PPP2R2C: variants seen among roughly 807,000 people sequenced by gnomAD.
The protein encoded by PPP2R2C is protein phosphatase 2 regulatory subunit Bgamma.
PPP2R2C carries 10 observed loss-of-function variants against 45.3 expected under a neutral mutation model. The ratio of observed to expected loss-of-function variants is 0.22; its 90% CI spans 0.14 to 0.37. The LOEUF (loss-of-function observed/expected upper bound fraction) is 0.37, where lower values mean the gene tolerates loss of function less well. PPP2R2C is among the 10% of genes least tolerant of loss of function. The pLI is 1.00. For missense variants in PPP2R2C, 308 were observed against 619.7 expected, an observed-to-expected ratio of 0.50 and a Z score of 5.34; for synonymous variants, 257 against 245.4, an observed-to-expected ratio of 1.05 and a Z score of -0.44.
chr4:6,433,444 C>T (rs766662455), intron 1 of PPP2R2C, among the ~76,000 whole-genome samples: 3 of 152,160 alleles, frequency 2.0e-5, no homozygotes, highest in South Asian at 2.1e-4. Flanking sequence ...ATCTAAGTAG[C>T]GTCGCCTGAA....
chr4:6,469,837 CTATTA>C (rs1252402589), intron 1 of PPP2R2C, among the ~76,000 whole-genome samples: 3 of 152,190 alleles, frequency 2.0e-5, no homozygotes, highest in Admixed American at 6.5e-5. Context: ...AGAATTCTAC[CTATTA>C]TAATGATTAT....
chr4:6,441,922 C>T (rs530109176), intron 1 of PPP2R2C, among the ~76,000 whole-genome samples: 2 of 152,350 alleles, frequency 1.3e-5, no homozygotes, highest in South Asian at 2.1e-4. Flanking sequence ...TGTTCACCAC[C>T]GGCCATTCCC....
intron 5 of PPP2R2C, among the ~76,000 whole-genome samples, chr4:6,356,300 C>T (rs1034488761): frequency 3.3e-5 from 5 of 152,224 alleles, no homozygotes; most frequent in African/African-American, 1.2e-4. Flanking sequence ...AGCTTCGCAT[C>T]TGTAGCTCAT....
chr4:6,336,257 T>C (rs1732837732), intron 6 of PPP2R2C, among the ~76,000 whole-genome samples: 3 of 150,570 alleles, frequency 2.0e-5, no homozygotes, highest in Non-Finnish European at 4.4e-5. Flanking sequence ...TCTCCCTCCA[T>C]CGTTCACAGG....
At chr4:6,544,084 A>G (rs1304745936) in intron 1 of PPP2R2C, among the ~76,000 whole-genome samples, 1 of 152,022 alleles carries the variant, frequency 6.6e-6, no homozygotes, top group Non-Finnish European at 1.5e-5. Flanking sequence ...CCCTGGCCCC[A>G]TTTGTTTACT....
intron 5 of PPP2R2C, chr4:6,350,853 A>G (rs768144828): frequency 2.1e-4 from 211 of 985,288 alleles, no homozygotes; most frequent in Non-Finnish European, 2.4e-4. Context: ...TGTGACGGCC[A>G]CACTTGCAGC....
intron 1 of PPP2R2C, among the ~76,000 whole-genome samples, chr4:6,557,364 C>G (rs1725436604): frequency 6.6e-6 from 1 of 151,418 alleles, no homozygotes; most frequent in Non-Finnish European, 1.5e-5. Context: ...TCAGGAGATG[C>G]TGGGTGCAAG....
intron 5 of PPP2R2C, chr4:6,351,101 T>C (rs929621946): frequency 2.7e-5 from 23 of 849,166 alleles, no homozygotes; most frequent in Non-Finnish European, 3.3e-5. Flanking sequence ...GCTCAGGAGT[T>C]CGAGACCAGC....
chr4:6,351,594 C>T (rs1489972910), intron 5 of PPP2R2C, among the ~76,000 whole-genome samples: 3 of 152,310 alleles, frequency 2.0e-5, no homozygotes, highest in East Asian at 1.9e-4. Flanking sequence ...TCTCTGTCTT[C>T]GGATACGGTG....
intron 2 of PPP2R2C, among the ~76,000 whole-genome samples, chr4:6,530,006 C>A (rs915413908): frequency 2.6e-5 from 4 of 152,118 alleles, no homozygotes; most frequent in African/African-American, 9.7e-5. Context: ...CTGGATGAGT[C>A]CCAGAGAATC....
At chr4:6,347,797 G>GCC (rs1712137053) in intron 6 of PPP2R2C, 49 bp downstream of exon 6, 1 of 542,182 alleles carries the variant, frequency 1.8e-6, no homozygotes, top group Admixed American at 4.3e-5. Flanking sequence ...CATCCCACCC[G>GCC]CCCGCCTGCC....
At chr4:6,557,803 G>A (rs1386226007) in intron 1 of PPP2R2C, among the ~76,000 whole-genome samples, 1 of 152,134 alleles carries the variant, frequency 6.6e-6, no homozygotes, top group African/African-American at 2.4e-5. Flanking sequence ...ATCTGAGGGT[G>A]AGCTACTGCA....
rs181448185 is a variant in PPP2R2C, at chr4:6,331,743, G to T, written c.960+1819C>A. Among the ~76,000 whole-genome samples, 364 of 152,266 alleles carry T rather than the reference G, an allele frequency of 2.4e-3. 2 individuals are homozygous for T. Among genetic ancestry groups the T allele is most frequent in the African/African-American group, 8.2e-3 (340 of 41,548 alleles). On this transcript the variant is annotated intron_variant, in intron 7 of 8. Transcript: ENST00000382599. This position sits in a 1 kb window ranked among gnomAD's most constrained non-coding sequence, Gnocchi z 5.9. ...GGAAAACCAACGCCCAAATGATGGT[G>T]GACTGGATCACAGAAGGAACCACTG...
chr4:6,365,205 A>G (rs1450952059), intron 5 of PPP2R2C, among the ~76,000 whole-genome samples: 7 of 152,192 alleles, frequency 4.6e-5, no homozygotes, highest in African/African-American at 1.7e-4. Context: ...CTGCTGAATC[A>G]ACCAATGAAT....
intron 8 of PPP2R2C, among the ~76,000 whole-genome samples, chr4:6,327,312 G>A (rs1296748697): frequency 6.6e-6 from 1 of 152,218 alleles, no homozygotes; most frequent in African/African-American, 2.4e-5. Context: ...CTAGGACAGG[G>A]CGTGGCTGGC....
chr4:6,433,150 G>T (rs11943607), intron 1 of PPP2R2C, among the ~76,000 whole-genome samples: 6,983 of 152,174 alleles, frequency 0.046, 513 homozygotes, highest in African/African-American at 0.16. Flanking sequence ...TTTTTGGGGA[G>T]TCAAAAGTTG....
chr4:6,343,664 G>A (rs1176969042), intron 6 of PPP2R2C, among the ~76,000 whole-genome samples: 2 of 152,104 alleles, frequency 1.3e-5, no homozygotes, highest in Admixed American at 1.3e-4. Flanking sequence ...AGGCTGCAGT[G>A]AGCCAAGATC....
intron 2 of PPP2R2C, among the ~76,000 whole-genome samples, chr4:6,480,396 G>T (rs1003132211): frequency 3.3e-5 from 5 of 152,160 alleles, no homozygotes; most frequent in Non-Finnish European, 7.3e-5. Flanking sequence ...TCCCAACTCT[G>T]TGTTTGATGA....
chr4:6,448,957 C>G (rs1720586179), intron 1 of PPP2R2C, among the ~76,000 whole-genome samples: 1 of 152,222 alleles, frequency 6.6e-6, no homozygotes, highest in African/African-American at 2.4e-5. Context: ...CCTCCATGCC[C>G]CAGAGCAGTG....
Sources: allele counts gnomAD v4.1 joint callset (sites outside exome capture counted in the v4.1 genomes callset), GRCh38; gene constraint gnomAD v4.1.1; non-coding constraint Gnocchi (gnomAD v3.1); transcripts MANE v1.5; gene names NCBI Gene and HGNC (gene_info 2026-07-23, HGNC 2026-07-21).